Variants in RELN observed in about 807,000 individuals in gnomAD.
RELN encodes reelin.
A neutral mutation model predicts 427.6 loss-of-function variants in RELN; 108 were observed. The ratio of observed to expected loss-of-function variants is 0.25; its 90% confidence interval spans 0.22 to 0.30. The LOEUF is 0.30. Among genes scored for constraint, RELN ranks in the 10% least tolerant of loss-of-function variants. The probability of loss-of-function intolerance (pLI) is 1.00; values close to 1 mark genes in which losing one functional copy is unlikely to be tolerated. For synonymous variants in RELN, 1,524 were observed against 1,513.4 expected, an observed-to-expected ratio of 1.01 and a Z score of -0.16; for missense variants, 3,715 against 4,302.8, an observed-to-expected ratio of 0.86 and a Z score of 3.82.
At chr7:103,860,513 CT>C (rs1794047528) in intron 2 of RELN, among the ~76,000 whole-genome samples, 2 of 152,194 alleles carry the variant, frequency 1.3e-5, no homozygotes, top group South Asian at 4.1e-4. Flanking sequence ...AAAATTAGAA[CT>C]ACGTTTATTG....
At chr7:103,579,412 A>C (rs765850957) in intron 28 of RELN, among the ~76,000 whole-genome samples, 26 of 152,280 alleles carry the variant, frequency 1.7e-4, no homozygotes, top group Non-Finnish European at 2.9e-4. Flanking sequence ...TAGCCTGGCC[A>C]ACATGGTGAA....
intron 1 of RELN, among the ~76,000 whole-genome samples, chr7:103,987,074 C>CAAAAAAAA (rs67498168): frequency 1.7e-5 from 2 of 119,050 alleles, no homozygotes; most frequent in East Asian, 5.4e-4. Flanking sequence ...GAACATTTTA[C>CAAAAAAAA]AAAAAAAAAA....
chr7:103,543,021 G>A, intron 42 of RELN, 143 bp from the exon 43 acceptor site: 2 of 857,756 alleles, frequency 2.3e-6, no homozygotes, highest in Non-Finnish European at 3.7e-6. Context: ...AGGATAAGAG[G>A]CCTTTTCAAC....
Position 103,593,695 on chromosome 7 carries a change from A to G in RELN, c.3899T>C (p.Val1300Ala), listed in dbSNP as rs1226419915. 6.2e-7 allele frequency: 1 copy of G among 1,613,658 alleles called. No homozygotes were observed. Among genetic ancestry groups the G allele is most frequent in the South Asian group, 1.1e-5 (1 of 91,078 alleles). ...TRDLTLKPGY[V>A]LQFKLNIGCA... The stretch of plus-strand genomic sequence containing the variant: ...GTGCATAAATACCTTGAACTGTAGC[A>G]CATATCCAGGTTTCAGGGTCAAATC... Residue 1300 changes from valine to alanine, a missense_variant, in exon 27 of 65, where the codon GTG (valine) becomes GCG (alanine). Val to Ala is a moderately conservative substitution (Grantham distance 64). Around this residue, in one of 4 missense-constraint regions of RELN, gnomAD observed 2,208 missense variants for 2,361.7 expected, o/e 0.93. Coordinates refer to ENST00000428762, the MANE Select transcript of RELN (RefSeq NM_005045.4).
At chr7:103,483,298 A>G (rs1003944527) in intron 62 of RELN, among the ~76,000 whole-genome samples, 1 of 152,202 alleles carries the variant, frequency 6.6e-6, no homozygotes, top group Non-Finnish European at 1.5e-5. Context: ...CAAAACTGAC[A>G]TGACTGCTTA....
chr7:103,857,032 C>T (rs373124362), intron 2 of RELN, among the ~76,000 whole-genome samples: 1 of 151,986 alleles, frequency 6.6e-6, no homozygotes, highest in Non-Finnish European at 1.5e-5. Context: ...GTAACTGTAC[C>T]TAGCAAAGGT....
intron 3 of RELN, among the ~76,000 whole-genome samples, chr7:103,818,972 T>C (rs1792949908): frequency 6.6e-6 from 1 of 152,102 alleles, no homozygotes. Context: ...CCCAAGTTTG[T>C]AAAAACTAAA....
intron 4 of RELN, among the ~76,000 whole-genome samples, chr7:103,760,225 T>C (rs1247857463): frequency 6.6e-6 from 1 of 151,438 alleles, no homozygotes; most frequent in African/African-American, 2.4e-5. Context: ...ATTCAGTTTG[T>C]CCAGGAGACA....
chr7:103,711,880 A>G (rs1473379919), intron 8 of RELN, among the ~76,000 whole-genome samples: 1 of 152,072 alleles, frequency 6.6e-6, no homozygotes, highest in East Asian at 1.9e-4. Flanking sequence ...GATCGTCTCA[A>G]ACTCCTGGGC....
chr7:103,680,714 G>C (rs927342180), intron 11 of RELN, among the ~76,000 whole-genome samples: 3 of 151,880 alleles, frequency 2.0e-5, no homozygotes, highest in African/African-American at 4.8e-5. Flanking sequence ...GGTCTCCCCA[G>C]CCTGACCCTG....
chr7:103,687,818 T>C (rs1313979012), intron 10 of RELN, among the ~76,000 whole-genome samples: 1 of 152,176 alleles, frequency 6.6e-6, no homozygotes, highest in Non-Finnish European at 1.5e-5. Flanking sequence ...CATATTTGTT[T>C]AAATGATTAT....
intron 4 of RELN, among the ~76,000 whole-genome samples, chr7:103,755,510 A>AG (rs1161317029): frequency 6.6e-6 from 1 of 151,802 alleles, no homozygotes; most frequent in Non-Finnish European, 1.5e-5. Context: ...CAGGAGGCTG[A>AG]GGCAGGAGAA....
rs1301213807 is a variant in RELN, at chr7:103,539,121, C to A, written c.7137G>T (p.Gln2379His). 1 of 1,614,192 alleles carries A rather than the reference C, an allele frequency of 6.2e-7. No individual in the cohort carries two copies. The highest frequency in any genetic ancestry group is 1.1e-5 in the South Asian group (1 of 91,082). The change falls in exon 45 of 65, where the codon CAG (glutamine) becomes CAT (histidine). Residue 2379 changes from glutamine (Q) to histidine (H), a missense_variant. This residue lies in a region of RELN where 1,310 missense variants were observed against 1,643.0 expected (regional missense o/e 0.80). Coordinates refer to ENST00000428762, the MANE Select transcript of RELN (RefSeq NM_005045.4). The part of the protein sequence containing the change: ...DVAVNEDSFL[Q>H]IDFAASCSVT... ...CTGAGCAGGAGGCAGCGAAGTCTAT[C>A]TGTAGGAAGGAATCCTCATTCACGG... is the stretch of plus-strand genomic sequence containing the variant.
Position 103,579,424 on chromosome 7 carries a change from C to A in RELN, c.4146-3719G>T, listed in dbSNP as rs545814164. 7.9e-5 allele frequency among the ~76,000 whole-genome samples: 12 copies of A among 152,122 alleles called. 1 individual carries two copies. The highest frequency in any genetic ancestry group is 2.6e-4 in the Admixed American group (4 of 15,266). Reference sequence around the variant, plus strand: ...GACTAGCCTGGCCAACATGGTGAAACCCCATCTCTACTAAAAATACAAAAA... The same window carrying A: ...GACTAGCCTGGCCAACATGGTGAAAACCCATCTCTACTAAAAATACAAAAA... On this transcript the variant is annotated intron_variant, in intron 28 of 64. Transcript: ENST00000428762.
intron 2 of RELN, among the ~76,000 whole-genome samples, chr7:103,894,450 C>G (rs564067425): frequency 6.6e-6 from 1 of 152,110 alleles, no homozygotes; most frequent in Non-Finnish European, 1.5e-5. Context: ...ACAGTACCCA[C>G]GCCTTCATTA....
chr7:103,827,122 C>T (rs575048756), intron 3 of RELN, among the ~76,000 whole-genome samples: 40 of 151,514 alleles, frequency 2.6e-4, no homozygotes, highest in African/African-American at 8.7e-4. Context: ...CTATTTGCTG[C>T]GGCATAAAAT....
At chr7:103,674,667 A>T (rs1833473397) in intron 11 of RELN, among the ~76,000 whole-genome samples, 1 of 152,178 alleles carries the variant, frequency 6.6e-6, no homozygotes, top group East Asian at 1.9e-4. Flanking sequence ...ATCTAGCAGC[A>T]CATCAAAAAG....
chr7:103,485,138 T>C (rs7808106), intron 61 of RELN, among the ~76,000 whole-genome samples: 35,721 of 151,004 alleles, frequency 0.24, 4,584 homozygotes, highest in African/African-American at 0.35. Context: ...TAGTGTGCCA[T>C]TGCTAACTAT....
chr7:103,778,255 G>T (rs566500755), intron 3 of RELN, among the ~76,000 whole-genome samples: 308 of 152,184 alleles, frequency 2.0e-3, no homozygotes, highest in African/African-American at 6.8e-3. Flanking sequence ...TAAATACACT[G>T]TTCAAACCAA....
Sources: gnomAD v4.1 joint callset for allele counts (sites outside exome capture counted in the v4.1 genomes callset) on GRCh38, gnomAD v4.1.1 for gene constraint, gnomAD v4.1.1 regional missense constraint, MANE v1.5 for transcripts, NCBI Gene and HGNC (gene_info 2026-07-23, HGNC 2026-07-21) for gene names.